Variants in ATP8B4 observed in about 807,000 individuals in gnomAD.
ATP8B4 encodes the protein ATPase phospholipid transporting 8B4 (putative), also known as probable phospholipid-transporting ATPase IM.
ATP8B4 carries 133 observed loss-of-function variants against 145.6 expected under a neutral mutation model. The observed-to-expected ratio is 0.91, with a 90% CI of 0.79 to 1.05. The LOEUF is 1.05. Among genes scored for constraint, ATP8B4 ranks in the 50% least tolerant of loss-of-function variants. The pLI is 0.00. For missense variants in ATP8B4, 1,458 were observed against 1,425.2 expected (o/e 1.02, Z -0.37); for synonymous variants, 507 against 492.9 (o/e 1.03, Z -0.38).
chr15:50,151,070 A>G (rs2044340938), intron 1 of ATP8B4, among the ~76,000 whole-genome samples: 1 of 152,196 alleles, frequency 6.6e-6, no homozygotes, highest in African/African-American at 2.4e-5. Flanking sequence ...ATTATCAGGC[A>G]CAACTTCCTT....
At chr15:49,913,523 C>A (rs1040021635) in intron 20 of ATP8B4, among the ~76,000 whole-genome samples, 4 of 151,966 alleles carry the variant, frequency 2.6e-5, no homozygotes, top group Admixed American at 1.3e-4. Context: ...CTAGTCAGAG[C>A]AATCAGGCAA....
At chr15:50,103,227 C>A (rs1339387000) in intron 2 of ATP8B4, among the ~76,000 whole-genome samples, 1 of 152,024 alleles carries the variant, frequency 6.6e-6, no homozygotes, top group African/African-American at 2.4e-5. Flanking sequence ...CAACATAGTA[C>A]TGGAAGTCCT....
intron 27 of ATP8B4, 141 bp from the exon 28 acceptor site, chr15:49,860,616 G>GTTTT: frequency 9.8e-7 from 1 of 1,024,956 alleles, no homozygotes; most frequent in Non-Finnish European, 1.4e-6. Flanking sequence ...TAAAAACTAA[G>GTTTT]AAATTTTCCA....
At chr15:50,176,353 C>T (rs2044762752) in intron 1 of ATP8B4, among the ~76,000 whole-genome samples, 1 of 151,896 alleles carries the variant, frequency 6.6e-6, no homozygotes, top group African/African-American at 2.4e-5. Flanking sequence ...ATACAATGGA[C>T]TTTGGGGACT....
intron 1 of ATP8B4, among the ~76,000 whole-genome samples, chr15:50,153,183 A>C (rs1037565878): frequency 7.2e-5 from 11 of 152,244 alleles, no homozygotes; most frequent in African/African-American, 2.2e-4. Flanking sequence ...TATGGAATCA[A>C]ATTATCCTAA....
intron 6 of ATP8B4, 61 bp downstream of exon 6, chr15:50,038,707 G>T: frequency 1.5e-6 from 2 of 1,293,742 alleles, no homozygotes; most frequent in East Asian, 2.4e-5. Context: ...GCCACCAATC[G>T]TCAAGAGCTG....
chr15:49,909,753 C>T (rs555900825), intron 20 of ATP8B4, among the ~76,000 whole-genome samples: 5 of 140,474 alleles, frequency 3.6e-5, no homozygotes, highest in African/African-American at 7.9e-5. Context: ...AAAAGAAAGC[C>T]AAATAAATTA....
intron 25 of ATP8B4, among the ~76,000 whole-genome samples, chr15:49,874,940 C>A (rs1486099168): frequency 1.3e-5 from 2 of 151,906 alleles, no homozygotes; most frequent in Non-Finnish European, 2.9e-5. Flanking sequence ...GGCACTGGCA[C>A]TATTGTAATA....
intron 20 of ATP8B4, among the ~76,000 whole-genome samples, chr15:49,903,081 C>T (rs899800405): frequency 6.6e-6 from 1 of 152,142 alleles, no homozygotes; most frequent in Non-Finnish European, 1.5e-5. Context: ...GTTTTTCTGG[C>T]TCTGCTGAAA....
At chr15:49,917,309 T>C (rs2039842409) in intron 19 of ATP8B4, 1 of 379,154 alleles carries the variant, frequency 2.6e-6, no homozygotes, top group Non-Finnish European at 4.7e-6. Context: ...AGAAAAACCT[T>C]TTCATTCCCA....
At chr15:50,031,299 C>A (rs1465370167) in intron 6 of ATP8B4, among the ~76,000 whole-genome samples, 1 of 152,092 alleles carries the variant, frequency 6.6e-6, no homozygotes, top group Non-Finnish European at 1.5e-5. Context: ...TTCCTATAGA[C>A]CCTAAATACC....
At chr15:50,087,013 A>T (rs1259878141) in intron 2 of ATP8B4, among the ~76,000 whole-genome samples, 2 of 114,620 alleles carry the variant, frequency 1.7e-5, no homozygotes, top group Non-Finnish European at 3.3e-5. Flanking sequence ...ATAGAGATCT[A>T]TATTATTATA....
intron 14 of ATP8B4, among the ~76,000 whole-genome samples, chr15:49,943,487 C>G (rs917495624): frequency 3.9e-5 from 6 of 152,072 alleles, no homozygotes; most frequent in Admixed American, 1.3e-4. Flanking sequence ...AGCAACTCAT[C>G]ATGTACAAGG....
In ATP8B4 at chr15:49,901,148, T is replaced by C. The variant is rs142396118; in HGVS notation, c.2233A>G (p.Ile745Val). Reference protein sequence around the residue: ...EKKQQLELDSIVEETITGDYA... With the variant: ...EKKQQLELDSVVEETITGDYA... ...TCTCCTGTTATGGTTTCTTCTACAA[T>C]AGAATCCAACTCCAGCTGCTGCTTT... The change falls in exon 21 of 28, where the codon ATT (isoleucine) becomes GTT (valine). Residue 745 changes from isoleucine (I) to valine (V), a missense_variant. Coordinates refer to ENST00000284509, the MANE Select transcript of ATP8B4 (RefSeq NM_024837.4). 1.6e-5 allele frequency: 26 copies of C among 1,613,528 alleles called. No homozygotes were observed. The South Asian group carries it at 2.2e-4, about 14-fold the overall frequency.
chr15:50,143,712 A>G (rs7165446), intron 1 of ATP8B4, among the ~76,000 whole-genome samples: 76,389 of 152,036 alleles, frequency 0.5, 21,080 homozygotes, highest in African/African-American at 0.74. Context: ...GCAAATCACA[A>G]GTGTTCTATG....
intron 2 of ATP8B4, among the ~76,000 whole-genome samples, chr15:50,096,408 T>C (rs1231976639): frequency 6.6e-6 from 1 of 152,158 alleles, no homozygotes; most frequent in Non-Finnish European, 1.5e-5. Flanking sequence ...GACTGCTCTA[T>C]GTGAATAAAG....
At chr15:49,868,029 G>A (rs1158359337) in intron 25 of ATP8B4, among the ~76,000 whole-genome samples, 1 of 152,068 alleles carries the variant, frequency 6.6e-6, no homozygotes. Flanking sequence ...ACAAATAATG[G>A]CATTTTAGAA....
At chr15:50,065,845 A>C (rs190734296) in intron 3 of ATP8B4, among the ~76,000 whole-genome samples, 4 of 152,244 alleles carry the variant, frequency 2.6e-5, no homozygotes, top group Admixed American at 2.6e-4. Context: ...TTTACTTCTC[A>C]AAGCAGATGG....
At chr15:50,130,673 G>A (rs2057339873) in intron 1 of ATP8B4, among the ~76,000 whole-genome samples, 1 of 151,998 alleles carries the variant, frequency 6.6e-6, no homozygotes, top group Non-Finnish European at 1.5e-5. Context: ...CTACTCAGGA[G>A]GCTGAGGCAG....
Sources: allele counts gnomAD v4.1 joint callset (sites outside exome capture counted in the v4.1 genomes callset), GRCh38; gene constraint gnomAD v4.1.1; transcripts MANE v1.5; gene names NCBI Gene and HGNC (gene_info 2026-07-23, HGNC 2026-07-21).